GIGYF2: variants seen among roughly 807,000 people sequenced by gnomAD.
GIGYF2 encodes the protein GRB10-interacting GYF protein 2.
A neutral mutation model predicts 208.1 loss-of-function variants in GIGYF2; 25 were observed. The observed-to-expected ratio is 0.12, with a 90% CI of 0.09 to 0.17. The LOEUF (loss-of-function observed/expected upper bound fraction) is 0.17, where lower values mean the gene tolerates loss of function less well. Among genes scored for constraint, GIGYF2 ranks in the 10% least tolerant of loss-of-function variants. The pLI, the probability that GIGYF2 is intolerant of heterozygous loss-of-function variation, is 1.00. For missense variants in GIGYF2, 1,302 were observed against 1,579.4 expected (o/e 0.82, Z 2.98); for synonymous variants, 534 against 543.8 (o/e 0.98, Z 0.25).
Position 232,815,730 on chromosome 2 carries a change from C to A in GIGYF2, c.2201C>A (p.Ala734Asp). 6.5e-7 allele frequency: 1 copy of A among 1,541,036 alleles called. No homozygotes were observed. Among genetic ancestry groups the A allele is most frequent in the Non-Finnish European group, 9.0e-7 (1 of 1,113,330 alleles). Residue 734 changes from alanine (A) to aspartate (D), a missense_variant, in exon 19 of 29, where the codon GCT becomes GAT. Coordinates refer to ENST00000373563, the MANE Select transcript of GIGYF2 (RefSeq NM_001103146.3). The part of the protein sequence containing the change: ...EQLQQLEKAK[A>D]AKLEQERREA... ...CTTCAGCAGCTAGAGAAGGCCAAAG[C>A]TGCAAAGGTCTGAAACTCATTCTTC...
rs1346605230 is a variant in GIGYF2, at chr2:232,796,088, C to A, written c.1506C>A (p.Leu502=). The A allele has an allele frequency of 6.2e-7, 1 of 1,611,764 alleles. No individual in the cohort carries two copies. The highest frequency in any genetic ancestry group is 1.7e-5 in the Admixed American group (1 of 59,994). ...AAGCTGAGAAAATGGTGGCTTATCT[C>A]CAAGACAGTGCACTAGATGATGAAA... ...EQQAEKMVAY[L]QDSALDDERL... is the part of the protein sequence containing the mutation. The change falls in exon 14 of 29, where the codon CTC becomes CTA. Residue 502 remains leucine (L), a synonymous_variant. Coordinates refer to ENST00000373563, the MANE Select transcript of GIGYF2 (RefSeq NM_001103146.3).
chr2:232,824,145 C>T (rs1003300679), intron 21 of GIGYF2, among the ~76,000 whole-genome samples: 23 of 152,124 alleles, frequency 1.5e-4, no homozygotes, highest in East Asian at 5.8e-4. Context: ...CCTCCCTATT[C>T]GCTGAGACAC....
intron 8 of GIGYF2, among the ~76,000 whole-genome samples, chr2:232,783,867 T>C (rs1699806610): frequency 6.6e-6 from 1 of 152,116 alleles, no homozygotes; most frequent in Admixed American, 6.5e-5. Flanking sequence ...TTTTGTATTT[T>C]AGTAGAGACG....
At chr2:232,791,756 G>A (rs1424992811) in intron 12 of GIGYF2, among the ~76,000 whole-genome samples, 3 of 152,144 alleles carry the variant, frequency 2.0e-5, no homozygotes, top group Non-Finnish European at 4.4e-5. Flanking sequence ...TTTGATTCCC[G>A]TATTAGACAG....
chr2:232,701,702 G>A (rs982555901), intron 1 of GIGYF2, among the ~76,000 whole-genome samples: 2 of 151,778 alleles, frequency 1.3e-5, no homozygotes, highest in Non-Finnish European at 2.9e-5. Context: ...GAGATTATAG[G>A]CATGAGCCAC....
At chr2:232,802,803 A>G (rs1700437466) in intron 14 of GIGYF2, among the ~76,000 whole-genome samples, 2 of 152,188 alleles carry the variant, frequency 1.3e-5, no homozygotes, top group South Asian at 2.1e-4. Flanking sequence ...GTTTTTGGAA[A>G]AAGTTTGAGA....
chr2:232,782,211 T>A (rs558168090), intron 8 of GIGYF2, among the ~76,000 whole-genome samples: 13 of 151,616 alleles, frequency 8.6e-5, no homozygotes, highest in South Asian at 2.1e-4. Flanking sequence ...TTTTAAAAAA[T>A]TTTTTTTTAC....
chr2:232,811,252 A>G lies in GIGYF2; in HGVS notation c.1907A>G (p.Tyr636Cys), dbSNP rs764554142. 8.8e-6 allele frequency: 14 copies of G among 1,592,522 alleles called. No homozygotes were observed. Among genetic ancestry groups the G allele is most frequent in the East Asian group, 2.2e-5 (1 of 44,762 alleles). ...QYQQFLIQQQYAQVLAQQQKA... is the reference protein window; with the variant it reads ...QYQQFLIQQQCAQVLAQQQKA... ...TTTTTTACTTTTTGAAGACAACAAT[A>G]TGCACAGGTTTTGGCCCAACAGCAG... is the stretch of plus-strand genomic sequence containing the variant. Residue 636 changes from tyrosine to cysteine, a missense_variant, in exon 17 of 29, where the codon TAT becomes TGT. Physicochemically the swap from Tyr to Cys is radical, Grantham distance 194 (BLOSUM62 -2). This residue lies in a region of GIGYF2 where 701 missense variants were observed against 793.0 expected (regional missense o/e 0.88). Coordinates refer to ENST00000373563, the MANE Select transcript of GIGYF2 (RefSeq NM_001103146.3).
chr2:232,729,937 T>G, intron 2 of GIGYF2: 1 of 732,750 alleles, frequency 1.4e-6, no homozygotes, highest in Admixed American at 1.8e-5. Flanking sequence ...CCTCTTCCTA[T>G]AGTGTCTTCC....
At chr2:232,797,360 A>ATG (rs1429373632) in intron 14 of GIGYF2, among the ~76,000 whole-genome samples, 1 of 152,080 alleles carries the variant, frequency 6.6e-6, no homozygotes, top group African/African-American at 2.4e-5. Flanking sequence ...GCTCTCTCCA[A>ATG]TGAATTAACT....
In GIGYF2 at chr2:232,800,111, CT is replaced by C. The variant is rs374996390; in HGVS notation, c.1639+3902del. 1.9e-3 allele frequency among the ~76,000 whole-genome samples: 280 copies of C among 143,812 alleles called. 1 individual carries two copies. Among genetic ancestry groups the C allele is most frequent in the Middle Eastern group, 3.7e-3 (1 of 272 alleles). 94.3% of individuals were successfully genotyped at this position (143,812 alleles called of 152,430 possible). On this transcript the variant is annotated intron_variant, in intron 14 of 28. Transcript: ENST00000373563. ...TCTGCTGATAATGTCTTGTCATGCA[CT>C]TTTTTTTTTTTAATTTTCAAGAAGT...
rs147623346 is a variant in GIGYF2 at position 232,747,717 on chromosome 2, G to T, written c.144G>T (p.Met48Ile). 8.7e-5 allele frequency: 140 copies of T among 1,613,776 alleles called. No individual in the cohort carries two copies. The highest frequency in any genetic ancestry group is 2.2e-5 in the Non-Finnish European group (26 of 1,179,844). The change falls in exon 4 of 29, where the codon ATG becomes ATT. Residue 48 changes from methionine to isoleucine, a missense_variant. Around this residue, in one of 8 missense-constraint regions of GIGYF2, gnomAD observed 189 missense variants for 257.7 expected, o/e 0.73. Coordinates refer to ENST00000373563, the MANE Select transcript of GIGYF2 (RefSeq NM_001103146.3). Reference protein sequence around the residue: ...LADYRYGREEMLALFLKDNKI... With the variant: ...LADYRYGREEILALFLKDNKI... Reference sequence around the variant, plus strand: ...ATTATCGTTACGGCAGAGAAGAAATGTTAGCACTTTTCCTTAAAGACAACA... The same window carrying T: ...ATTATCGTTACGGCAGAGAAGAAATTTTAGCACTTTTCCTTAAAGACAACA...
Position 232,839,916 on chromosome 2 carries a change from C to T in GIGYF2, c.2834C>T (p.Ser945Leu). The change falls in exon 23 of 29, where the codon TCG (serine) becomes TTG (leucine). Residue 945 changes from serine (S) to leucine (L), a missense_variant. This residue lies in a region of GIGYF2 where 701 missense variants were observed against 793.0 expected (regional missense o/e 0.88). Transcript: ENST00000373563. ...GCATGTCAGTCCCAGGCCACGCTGT[C>T]GTTGGCTGAAATCCAAAAACTAGAG... ...TTACQSQATLSLAEIQKLEEE... is the reference protein window; with the variant it reads ...TTACQSQATLLLAEIQKLEEE... 6.2e-7 allele frequency: 1 copy of T among 1,613,834 alleles called. No homozygotes were observed. Among genetic ancestry groups the T allele is most frequent in the Non-Finnish European group, 8.5e-7 (1 of 1,179,758 alleles).
chr2:232,821,956 T>A (rs1052063085), intron 21 of GIGYF2, among the ~76,000 whole-genome samples: 7 of 143,622 alleles, frequency 4.9e-5, no homozygotes, highest in African/African-American at 2.6e-5. Flanking sequence ...TTTTTTTTTT[T>A]ACTGGACTCT....
Position 232,741,861 on chromosome 2 carries a change from G to A in GIGYF2, c.42-5754G>A, listed in dbSNP as rs1460488542. On this transcript the variant is annotated intron_variant, in intron 3 of 28. Transcript: ENST00000373563. ...TCAATATCTCTATGTCCACTTATATGACTTTATTATATTCTTCTACTAGCC... is the reference window on the plus strand; with the variant it reads ...TCAATATCTCTATGTCCACTTATATAACTTTATTATATTCTTCTACTAGCC... 2.0e-5 allele frequency among the ~76,000 whole-genome samples: 3 copies of A among 152,098 alleles called. No homozygotes were observed. The East Asian group carries it at 5.8e-4, about 29-fold the overall frequency.
chr2:232,794,126 A>C (rs1320865929), intron 12 of GIGYF2, among the ~76,000 whole-genome samples: 1 of 152,196 alleles, frequency 6.6e-6, no homozygotes, highest in Non-Finnish European at 1.5e-5. Flanking sequence ...GATTATACCT[A>C]ATTACTTCCA....
At chr2:232,773,912 A>T (rs903599105) in intron 8 of GIGYF2, among the ~76,000 whole-genome samples, 6 of 110,220 alleles carry the variant, frequency 5.4e-5, no homozygotes, top group African/African-American at 2.7e-4. Context: ...TCTCTATTTA[A>T]AAAAAAAAAA....
rs1398241622 is a variant in GIGYF2 at position 232,791,276 on chromosome 2, C to A, written c.1112C>A (p.Pro371His). The A allele has an allele frequency of 6.2e-7, 1 of 1,613,894 alleles. No homozygotes were observed. The highest frequency in any genetic ancestry group is 1.3e-5 in the African/African-American group (1 of 74,882). ...RVGVEASEET[P>H]QTSSSSARPG... ...GTTCCAGAAGCTAGTGAGGAAACTC[C>A]CCAGACCTCATCATCATCTGCTAGA... is the stretch of plus-strand genomic sequence containing the variant. Residue 371 changes from proline to histidine, a missense_variant, in exon 12 of 29, where the codon CCC becomes CAC. Physicochemically the swap from Pro to His is moderately conservative, Grantham distance 77. Around this residue, in one of 8 missense-constraint regions of GIGYF2, gnomAD observed 235 missense variants for 218.8 expected, o/e 1.07. Transcript: ENST00000373563.
At position 232,847,023 on chromosome 2, in the gene GIGYF2, G is replaced by A. The variant is rs145794529; in HGVS notation, c.3461-325G>A. Among the ~76,000 whole-genome samples, 780 of 152,294 alleles carry A rather than the reference G, an allele frequency of 5.1e-3. 11 individuals are homozygous for A. Among genetic ancestry groups the A allele is most frequent in the African/African-American group, 0.018 (759 of 41,554 alleles). ...TTGTAGTGCCTGACACATATCATAG[G>A]AGTTAATAAATACTGATTGAATTTG... On this transcript the variant is annotated intron_variant, in intron 26 of 28. Coordinates refer to ENST00000373563, the MANE Select transcript of GIGYF2 (RefSeq NM_001103146.3).
Sources: gnomAD v4.1 joint callset for allele counts (sites outside exome capture counted in the v4.1 genomes callset) on GRCh38, gnomAD v4.1.1 for gene constraint, gnomAD v4.1.1 regional missense constraint, MANE v1.5 for transcripts, NCBI Gene and HGNC (gene_info 2026-07-23, HGNC 2026-07-21) for gene names.